H2BC5: variants seen among roughly 807,000 people sequenced by gnomAD.
H2BC5 encodes the protein H2B clustered histone 5.
A neutral mutation model predicts 5.7 loss-of-function variants in H2BC5; 9 were observed. The ratio of observed to expected loss-of-function variants is 1.57; its 90% confidence interval spans 0.95 to 2.74. The LOEUF is 2.74. H2BC5 is among the 30% of genes most tolerant of loss of function. The pLI is 0.00. For missense variants in H2BC5, 175 were observed against 168.8 expected, an observed-to-expected ratio of 1.04 and a Z score of -0.20; for synonymous variants, 133 against 70.9, an observed-to-expected ratio of 1.88 and a Z score of -4.40.
intron 1 of H2BC5, among the ~76,000 whole-genome samples, chr6:26,168,574 T>C (rs1488539216): frequency 6.6e-6 from 1 of 152,158 alleles, no homozygotes; most frequent in Non-Finnish European, 1.5e-5. Flanking sequence ...TTGAAATGCT[T>C]GGATGTAAAA....
At chr6:26,161,631 G>A (rs1488917267), downstream of H2BC5, among the ~76,000 whole-genome samples, 2 of 152,088 alleles carry the variant, frequency 1.3e-5, no homozygotes, top group East Asian at 3.9e-4. Context: ...AATTAGCCAG[G>A]CATGGTGGTG....
At chr6:26,164,223 C>G (rs1764388690) in intron 1 of H2BC5, 1 of 381,592 alleles carries the variant, frequency 2.6e-6, no homozygotes, top group Admixed American at 3.0e-5. Context: ...TCTCAGTCTC[C>G]CAGCAGACCT....
At chr6:26,159,263 T>TGG (rs1375761187), downstream of H2BC5, among the ~76,000 whole-genome samples, 19 of 144,364 alleles carry the variant, frequency 1.3e-4, 1 homozygote, top group Admixed American at 5.5e-4. Context: ...TTTTTTTTTT[T>TGG]TTTTTTTTTG....
Position 26,158,580 on chromosome 6 carries a change from T to C in H2BC5, c.*30T>C. 1 of 1,604,660 alleles carries C rather than the reference T, an allele frequency of 6.2e-7. No homozygotes were observed. The highest frequency in any genetic ancestry group is 8.5e-7 in the Non-Finnish European group (1 of 1,176,254). On this transcript the variant is annotated 3_prime_UTR_variant, in exon 1 of 1. Coordinates refer to ENST00000377777, the MANE Select transcript of H2BC5 (RefSeq NM_021063.4). ...GCCAAGTAAGCATCTTTACACCTAA[T>C]CCCAAAGGCTCTTTTAAGAGCCACG...
chr6:26,169,187 G>T (rs986196689), intron 1 of H2BC5, among the ~76,000 whole-genome samples: 35 of 152,122 alleles, frequency 2.3e-4, no homozygotes, highest in Non-Finnish European at 5.0e-4. Context: ...GCAGAGAGAG[G>T]TATAAAGAAA....
intron 1 of H2BC5, among the ~76,000 whole-genome samples, chr6:26,165,074 G>GA (rs1308207049): frequency 5.3e-5 from 8 of 151,638 alleles, no homozygotes; most frequent in African/African-American, 1.5e-4. Context: ...GGGAAAATGG[G>GA]AAAAAAAATC....
At chr6:26,164,855 T>TTC (rs890822453) in intron 1 of H2BC5, among the ~76,000 whole-genome samples, 1 of 151,932 alleles carries the variant, frequency 6.6e-6, no homozygotes, top group African/African-American at 2.4e-5. Flanking sequence ...CATCACCATG[T>TTC]TCTCTCTCTG....
rs770688022 is a variant in H2BC5 at position 26,158,245 on chromosome 6, G to A, written c.76G>A (p.Asp26Asn). The A allele has an allele frequency of 5.0e-6, 8 of 1,614,238 alleles. No homozygotes were observed. Among genetic ancestry groups the A allele is most frequent in the Admixed American group, 1.7e-5 (1 of 60,026 alleles). ...GGCGGTGACTAAGGCTCAGAAGAAG[G>A]ACGGGAAGAAGCGCAAGCGCAGCCG... ...KKAVTKAQKK[D>N]GKKRKRSRKE... Residue 26 changes from aspartate (D) to asparagine (N), a missense_variant, in exon 1 of 1, where the codon GAC (aspartate) becomes AAC (asparagine). Around this residue, in one of 4 missense-constraint regions of H2BC5, gnomAD observed 119 missense variants for 85.6 expected, o/e 1.39. Transcript: ENST00000377777.
chr6:26,169,404 C>T (rs9461237), intron 1 of H2BC5, among the ~76,000 whole-genome samples: 7,104 of 152,180 alleles, frequency 0.047, 334 homozygotes, highest in African/African-American at 0.11. Flanking sequence ...AAGTGTTTCT[C>T]ATACTCTGGA....
At position 26,158,325 on chromosome 6, in the gene H2BC5, C is replaced by A. The variant is rs769513470; in HGVS notation, c.156C>A (p.Asp52Glu). 12 of 1,614,160 alleles carry A rather than the reference C, an allele frequency of 7.4e-6. No homozygotes were observed. Among genetic ancestry groups the A allele is most frequent in the Non-Finnish European group, 1.0e-5 (12 of 1,180,058 alleles). Reference sequence around the variant, plus strand: ...AGGTGCTGAAGCAGGTCCATCCCGACACCGGCATCTCTTCCAAGGCAATGG... The same window carrying A: ...AGGTGCTGAAGCAGGTCCATCCCGAAACCGGCATCTCTTCCAAGGCAATGG... ...VYKVLKQVHP[D>E]TGISSKAMGI... Residue 52 changes from aspartate to glutamate, a missense_variant, in exon 1 of 1, where the codon GAC becomes GAA. Physicochemically the swap from Asp to Glu is conservative, Grantham distance 45 (BLOSUM62 2). Around this residue, in one of 4 missense-constraint regions of H2BC5, gnomAD observed 119 missense variants for 85.6 expected, o/e 1.39. Coordinates refer to ENST00000377777, the MANE Select transcript of H2BC5 (RefSeq NM_021063.4).
Position 26,158,124 on chromosome 6 carries a change from T to G in H2BC5, c.-46T>G. ...TGAACAGGGCCTCGGCGGGAGTGAT[T>G]ATTTTCTCAGGTGTTTGCAACAGTG... On this transcript the variant is annotated 5_prime_UTR_variant, in exon 1 of 1. In the 5' UTR this introduces an upstream ATG that the reference lacks. Transcript: ENST00000377777. The G allele has an allele frequency of 6.4e-7, 1 of 1,573,872 alleles. No individual in the cohort carries two copies. The highest frequency in any genetic ancestry group is 8.6e-7 in the Non-Finnish European group (1 of 1,161,510).
intron 1 of H2BC5, among the ~76,000 whole-genome samples, chr6:26,168,442 G>C (rs1764468225): frequency 1.4e-5 from 2 of 147,516 alleles, no homozygotes; most frequent in Admixed American, 6.8e-5. Flanking sequence ...TGGGCAACAA[G>C]ACCAAAACTC....
At chr6:26,160,405 G>A (rs927643996), downstream of H2BC5, among the ~76,000 whole-genome samples, 25 of 150,174 alleles carry the variant, frequency 1.7e-4, no homozygotes, top group African/African-American at 5.9e-4. Flanking sequence ...GAAAACAAAA[G>A]CAACAGACAA....
At position 26,158,168 on chromosome 6, in the gene H2BC5, C is replaced by T. The variant is rs751514822; in HGVS notation, c.-2C>T. The T allele has an allele frequency of 6.2e-7, 1 of 1,612,154 alleles. No homozygotes were observed. The highest frequency in any genetic ancestry group is 1.1e-5 in the South Asian group (1 of 90,934). On this transcript the variant is annotated 5_prime_UTR_variant, in exon 1 of 1. It adds an upstream start codon to the 5' untranslated region. Coordinates refer to ENST00000377777, the MANE Select transcript of H2BC5 (RefSeq NM_021063.4). ...AACAGTGTTCTAACTATTAACGCTA[C>T]GATGCCTGAACCTACCAAGTCTGCT...
intron 1 of H2BC5, among the ~76,000 whole-genome samples, chr6:26,167,033 CTTT>C (rs1183722229): frequency 9.1e-6 from 1 of 109,998 alleles, no homozygotes; most frequent in Admixed American, 9.1e-5. Context: ...TCTTTTCTTT[CTTT>C]TTTTTGTTTT....
chr6:26,158,653 T>A, downstream of H2BC5: 2 of 1,516,690 alleles, frequency 1.3e-6, no homozygotes, highest in Non-Finnish European at 1.8e-6. Flanking sequence ...AAAGGGGGGT[T>A]ATTGGACTTA....
downstream of H2BC5, among the ~76,000 whole-genome samples, chr6:26,162,809 G>A (rs1324521560): frequency 2.0e-5 from 3 of 152,162 alleles, no homozygotes; most frequent in Non-Finnish European, 4.4e-5. Flanking sequence ...AAAGTGCTGG[G>A]ATTACAGGTG....
downstream of H2BC5, among the ~76,000 whole-genome samples, chr6:26,162,067 A>G (rs1764359710): frequency 6.6e-6 from 1 of 150,906 alleles, no homozygotes; most frequent in Non-Finnish European, 1.5e-5. Flanking sequence ...TGTGCTGTGA[A>G]TTAATTAAGC....
chr6:26,158,622 G>A, downstream of H2BC5: 2 of 1,581,338 alleles, frequency 1.3e-6, no homozygotes, highest in Non-Finnish European at 1.7e-6. Context: ...TTCAATAAAT[G>A]AGTTGTAATC....
Sources: gnomAD v4.1 joint callset for allele counts (sites outside exome capture counted in the v4.1 genomes callset) on GRCh38, gnomAD v4.1.1 for gene constraint, gnomAD v4.1.1 regional missense constraint, MANE v1.5 for transcripts, NCBI Gene and HGNC (gene_info 2026-07-23, HGNC 2026-07-21) for gene names.